The following CCDC30 variants were observed in gnomAD, a reference collection of about 807,000 sequenced individuals.
CCDC30 encodes the protein coiled-coil domain containing 30.
CCDC30 carries 70 observed loss-of-function variants against 100.2 expected under a neutral mutation model. That is an observed-to-expected ratio of 0.70 (90% CI 0.58 to 0.85). The LOEUF (loss-of-function observed/expected upper bound fraction) is 0.85. Ranked by LOEUF, CCDC30 falls within the 40% of genes least tolerant of loss-of-function variation. CCDC30 has a pLI of 0.00. For synonymous variants in CCDC30, 233 were observed against 269.5 expected (o/e 0.86, Z 1.33); for missense variants, 652 against 771.2 (o/e 0.85, Z 1.83).
chr1:42,586,771 A>AT (rs1233713980), intron 9 of CCDC30, among the ~76,000 whole-genome samples: 1 of 152,168 alleles, frequency 6.6e-6, no homozygotes, highest in African/African-American at 2.4e-5. Flanking sequence ...CCACTATAGG[A>AT]TTTTAAGCAG....
chr1:42,508,487 G>A (rs1290365740), intron 6 of CCDC30, among the ~76,000 whole-genome samples: 2 of 152,122 alleles, frequency 1.3e-5, no homozygotes, highest in East Asian at 1.9e-4. Context: ...ATCCCTTAAG[G>A]TATATTTTTT....
At chr1:42,491,085 A>T (rs1644132768) in intron 4 of CCDC30, among the ~76,000 whole-genome samples, 1 of 152,178 alleles carries the variant, frequency 6.6e-6, no homozygotes, top group South Asian at 2.1e-4. Context: ...AAATTCTAAA[A>T]CTACACATAG....
chr1:42,550,835 T>C (rs900377351), intron 6 of CCDC30, among the ~76,000 whole-genome samples: 7 of 152,238 alleles, frequency 4.6e-5, no homozygotes, highest in Admixed American at 1.3e-4. Flanking sequence ...GCTTGTCATA[T>C]AGTTGATATT....
rs556040209 is a variant in CCDC30 at position 42,473,162 on chromosome 1, A to G, written c.-91-7299A>G. On this transcript the variant is annotated intron_variant, in intron 1 of 16. Transcript: ENST00000668663. ...GAAGACATACTTCACCATCTTGAAA[A>G]AGAAGAAATCAATCCCCTTGCTACT... is the stretch of plus-strand genomic sequence containing the variant. The G allele has an allele frequency of 2.0e-5, 24 of 1,230,692 alleles. 1 individual carries two copies. In the African/African-American group the frequency reaches 2.8e-4, roughly 14 times the overall value. 76.2% of individuals were successfully genotyped at this position (1,230,692 alleles called of 1,614,324 possible).
chr1:42,649,153 CA>C (rs540213090), intron 15 of CCDC30, among the ~76,000 whole-genome samples: 261 of 151,746 alleles, frequency 1.7e-3, no homozygotes, highest in Non-Finnish European at 3.4e-3. Context: ...TCAAACTCTT[CA>C]AAAAAAATAA....
chr1:42,488,459 G>T (rs6600405), intron 3 of CCDC30, among the ~76,000 whole-genome samples: 13 of 151,856 alleles, frequency 8.6e-5, no homozygotes, highest in Non-Finnish European at 1.9e-4. Context: ...GACTACAGGC[G>T]TGTAGTGCCA....
At chr1:42,456,360 G>GA in the CCDC30 span, 5 of 643,104 alleles carry the variant, frequency 7.8e-6, no homozygotes, top group African/African-American at 9.2e-5. Flanking sequence ...CCCAGCCGGG[G>GA]ATCCCCCTCG....
intron 6 of CCDC30, 44 bp downstream of exon 9, chr1:42,545,623 G>T (rs1443640488): frequency 2.6e-6 from 4 of 1,523,686 alleles, no homozygotes; most frequent in Middle Eastern, 1.7e-4. Flanking sequence ...TTCAGAGAGG[G>T]TATATTTTAT....
At chr1:42,612,816 TCCTAGA>T (rs1316122554) in intron 11 of CCDC30, among the ~76,000 whole-genome samples, 9 of 152,354 alleles carry the variant, frequency 5.9e-5, no homozygotes, top group South Asian at 2.1e-4. Flanking sequence ...TTTAGGTTAA[TCCTAGA>T]CCTGCTGGAA....
chr1:42,564,632 C>G (rs1410415356), intron 6 of CCDC30, among the ~76,000 whole-genome samples: 1 of 152,220 alleles, frequency 6.6e-6, no homozygotes. Flanking sequence ...TTTATGTGTA[C>G]ATTGTGAAAT....
chr1:42,552,428 A>G (rs1645271549), intron 6 of CCDC30, among the ~76,000 whole-genome samples: 1 of 152,086 alleles, frequency 6.6e-6, no homozygotes, highest in African/African-American at 2.4e-5. Flanking sequence ...CTGTTCTTCT[A>G]TGGCCATTAT....
intron 1 of CCDC30, among the ~76,000 whole-genome samples, chr1:42,466,269 G>A (rs1256668316): frequency 6.6e-6 from 1 of 152,180 alleles, no homozygotes; most frequent in Non-Finnish European, 1.5e-5. Flanking sequence ...GGCAGGAGAT[G>A]TGCTATGGCG....
chr1:42,537,969 CAAAA>C (rs573354651), intron 6 of CCDC30: 6 of 123,706 alleles, frequency 4.9e-5, no homozygotes, highest in East Asian at 2.3e-4. Flanking sequence ...AACTCCATCT[CAAAA>C]AAAAAAAAAA....
intron 6 of CCDC30, among the ~76,000 whole-genome samples, 185 bp downstream of exon 6, chr1:42,499,101 TCTTC>T (rs1400196012): frequency 6.6e-6 from 1 of 152,232 alleles, no homozygotes; most frequent in Admixed American, 6.5e-5. Flanking sequence ...TCTGTTTACT[TCTTC>T]CTCATAGAGA....
At chr1:42,639,414 A>G (rs75140767) in intron 12 of CCDC30, among the ~76,000 whole-genome samples, 2,667 of 152,254 alleles carry the variant, frequency 0.018, 38 homozygotes, top group Non-Finnish European at 0.026. Flanking sequence ...CCTGACAACA[A>G]TGTGATTTCA....
At chr1:42,576,777 T>C (rs1372694724) in intron 7 of CCDC30, among the ~76,000 whole-genome samples, 2 of 152,134 alleles carry the variant, frequency 1.3e-5, no homozygotes, top group Non-Finnish European at 2.9e-5. Context: ...TTGGACTAGA[T>C]TGAAGAAAGG....
intron 15 of CCDC30, among the ~76,000 whole-genome samples, chr1:42,647,174 C>T (rs1647955386): frequency 1.3e-5 from 2 of 151,794 alleles, no homozygotes; most frequent in South Asian, 2.1e-4. Context: ...GAAATAAAAC[C>T]CAACTATATA....
At chr1:42,581,368 C>A in exon 9 of CCDC30, 1 of 1,596,730 alleles carries the variant, frequency 6.3e-7, no homozygotes, top group Non-Finnish European at 8.5e-7. Flanking sequence ...AGATTTTGGA[C>A]CTGCAGCGGA....
downstream of CCDC30, chr1:42,654,312 C>G (rs1281165719): frequency 9.9e-6 from 3 of 303,852 alleles, no homozygotes; most frequent in African/African-American, 6.6e-5. Flanking sequence ...AACATTCTTT[C>G]CCATTATCAT....
Sources: gnomAD v4.1 joint callset for allele counts (sites outside exome capture counted in the v4.1 genomes callset) on GRCh38, gnomAD v4.1.1 for gene constraint, MANE v1.5 for transcripts, NCBI Gene and HGNC (gene_info 2026-07-23, HGNC 2026-07-21) for gene names.